Variants in SI observed in about 807,000 individuals in gnomAD.
SI encodes sucrase-isomaltase.
In SI, 235 loss-of-function variants were observed where a neutral mutation model predicts 253.3. That is an observed-to-expected ratio of 0.93 (90% CI 0.83 to 1.03). The LOEUF is 1.03. Among genes scored for constraint, SI ranks in the 50% least tolerant of loss-of-function variants. The probability of loss-of-function intolerance (pLI) is 0.00; values close to 1 mark genes in which losing one functional copy is unlikely to be tolerated. For missense variants in SI, 2,442 were observed against 2,211.1 expected (o/e 1.10, Z -2.09); for synonymous variants, 819 against 712.0 (o/e 1.15, Z -2.39).
chr3:165,008,541 TTCTCAGGAA>T (rs971873410), intron 35 of SI, among the ~76,000 whole-genome samples: 1 of 151,996 alleles, frequency 6.6e-6, no homozygotes, highest in Admixed American at 6.6e-5. Context: ...CCAGATGACA[TTCTCAGGAA>T]TATACTTAAG....
At chr3:165,032,731 C>T (rs1479461867) in intron 23 of SI, 39 bp from the exon 24 acceptor site, 1 of 1,365,560 alleles carries the variant, frequency 7.3e-7, no homozygotes, top group Non-Finnish European at 1.0e-6. Context: ...ATTAGGTCAT[C>T]AGATACAAAC....
chr3:164,982,150 T>A, intron 47 of SI, 93 bp downstream of exon 47: 1 of 899,540 alleles, frequency 1.1e-6, no homozygotes, highest in Non-Finnish European at 1.8e-6. Context: ...AATTGACTCA[T>A]AATTATGTTT....
chr3:165,036,312 G>A (rs1712525495), intron 22 of SI, 77 bp downstream of exon 22: 6 of 934,286 alleles, frequency 6.4e-6, no homozygotes, highest in Non-Finnish European at 1.0e-5. Context: ...TTTAAAAAAT[G>A]ATACAACCTA....
chr3:165,040,978 A>G lies in SI; in HGVS notation c.2121T>C (p.His707=), dbSNP rs201276727. ...PFLYTLFYKA[H]VFGETVARPV... is the part of the protein sequence containing the mutation. ...GTCTTGCTACTGTTTCTCCAAACAC[A>G]TGGGCTTTATAAAACAGAGTGTAGA... Residue 707 remains histidine (H), a synonymous_variant, in exon 18 of 48, where the codon CAT becomes CAC. Coordinates refer to ENST00000264382, the MANE Select transcript of SI (RefSeq NM_001041.4). The G allele has an allele frequency of 4.0e-5, 64 of 1,612,116 alleles. 2 individuals carry two copies. The South Asian group carries it at 6.8e-4, about 17-fold the overall frequency.
At chr3:165,029,587 T>TACATATATATAC (rs1712119541) in intron 25 of SI, among the ~76,000 whole-genome samples, 2 of 145,610 alleles carry the variant, frequency 1.4e-5, no homozygotes, top group South Asian at 2.1e-4. Context: ...TATACATATA[T>TACATATATATAC]ATGTATATAT....
intron 3 of SI, among the ~76,000 whole-genome samples, chr3:165,071,898 C>A (rs1015137757): frequency 2.0e-5 from 3 of 152,132 alleles, no homozygotes; most frequent in Non-Finnish European, 2.9e-5. Context: ...ATTGTTTAAG[C>A]TGCCCATTCT....
At chr3:165,054,029 C>A (rs933090814) in intron 13 of SI, among the ~76,000 whole-genome samples, 3 of 151,968 alleles carry the variant, frequency 2.0e-5, no homozygotes, top group Non-Finnish European at 4.4e-5. Context: ...TAATCCTTTA[C>A]CCAAATCCAT....
chr3:164,981,369 A>G (rs140940539), intron 47 of SI, among the ~76,000 whole-genome samples: 1 of 152,176 alleles, frequency 6.6e-6, no homozygotes, highest in Non-Finnish European at 1.5e-5. Context: ...TAACTCTGAC[A>G]TCCTCTGACA....
intron 37 of SI, among the ~76,000 whole-genome samples, chr3:165,002,401 C>T (rs981652868): frequency 5.9e-5 from 9 of 151,806 alleles, no homozygotes; most frequent in Middle Eastern, 3.4e-3. Flanking sequence ...ATTTCTCAAG[C>T]TGATTAAATC....
In SI at chr3:165,050,503, A is replaced by G. The variant is rs529937732; in HGVS notation, c.1513-628T>C. 3.7e-4 allele frequency among the ~76,000 whole-genome samples: 56 copies of G among 152,230 alleles called. 1 individual carries two copies. In the South Asian group the frequency reaches 0.011, roughly 31 times the overall value. ...TATTATGTTCATGGATTTTCTAGCC[A>G]TTTTAACATAGGCCCCAATCTTGTC... is the stretch of plus-strand genomic sequence containing the variant. On this transcript the variant is annotated intron_variant, in intron 13 of 47. Coordinates refer to ENST00000264382, the MANE Select transcript of SI (RefSeq NM_001041.4).
Position 164,979,433 on chromosome 3 carries a change from A to G in SI, c.5416-3T>C, listed in dbSNP as rs773290923. ...GTGGTCAGATCAATACGTAATATCT[A>G]AAAAAGTAAAATAATAATTAGTTGT... is the stretch of plus-strand genomic sequence containing the variant. On this transcript the variant is annotated splice_polypyrimidine_tract_variant and splice_region_variant and intron_variant, in intron 47 of 47. Coordinates refer to ENST00000264382, the MANE Select transcript of SI (RefSeq NM_001041.4). 6.9e-7 allele frequency: 1 copy of G among 1,452,078 alleles called. No homozygotes were observed. The highest frequency in any genetic ancestry group is 9.7e-7 in the Non-Finnish European group (1 of 1,035,494). 89.9% of individuals were successfully genotyped at this position (1,452,078 alleles called of 1,614,324 possible).
intron 44 of SI, among the ~76,000 whole-genome samples, chr3:164,990,418 T>C (rs1166949754): frequency 6.6e-6 from 1 of 152,082 alleles, no homozygotes; most frequent in Admixed American, 6.6e-5. Context: ...TCATAAAGGT[T>C]TCATTTATAT....
At position 165,043,064 on chromosome 3, in the gene SI, A is replaced by G. The variant is rs954772863; in HGVS notation, c.1999T>C (p.Tyr667His). Residue 667 changes from tyrosine (Y) to histidine (H), a missense_variant, in exon 17 of 48, where the codon TAT becomes CAT. Tyr to His is a moderately conservative substitution (Grantham distance 83). Coordinates refer to ENST00000264382, the MANE Select transcript of SI (RefSeq NM_001041.4). Reference protein sequence around the residue: ...PFSRNHNSDGYEHQDPAFFGQ... With the variant: ...PFSRNHNSDGHEHQDPAFFGQ... ...GGAGAACAAGAGGCTCTTACTTCAT[A>G]TCCGTCAGAATTATGGTTTCTGGAA... The G allele has an allele frequency of 1.3e-6, 2 of 1,586,994 alleles. No homozygotes were observed. The highest frequency in any genetic ancestry group is 2.7e-5 in the African/African-American group (2 of 74,312).
At position 165,059,247 on chromosome 3, in the gene SI, T is replaced by A; in HGVS notation, c.1199A>T (p.Tyr400Phe). ...GAGTCCGTTAAACGCAACTTGATCATAAGTAAAGTCTTTCTTGTCTTCCAT... is the reference window on the plus strand; with the variant it reads ...GAGTCCGTTAAACGCAACTTGATCAAAAGTAAAGTCTTTCTTGTCTTCCAT... The part of the protein sequence containing the change: ...DYMEDKKDFT[Y>F]DQVAFNGLPQ... Residue 400 changes from tyrosine to phenylalanine, a missense_variant, in exon 11 of 48, where the codon TAT becomes TTT. By Grantham distance (22) the Tyr-to-Phe change is conservative (BLOSUM62 3). Coordinates refer to ENST00000264382, the MANE Select transcript of SI (RefSeq NM_001041.4). The A allele has an allele frequency of 3.1e-6, 5 of 1,612,766 alleles. No homozygotes were observed. The highest frequency in any genetic ancestry group is 4.2e-6 in the Non-Finnish European group (5 of 1,179,138).
Position 165,042,811 on chromosome 3 carries a change from C to T in SI, c.2004+248G>A, listed in dbSNP as rs573966660. On this transcript the variant is annotated intron_variant, in intron 17 of 47. Coordinates refer to ENST00000264382, the MANE Select transcript of SI (RefSeq NM_001041.4). ...AACTTAATATACTTGTACAGTTATG[C>T]GTTAGTCTCAACTAAAATATTTGTG... is the stretch of plus-strand genomic sequence containing the variant. Among the ~76,000 whole-genome samples, 29 of 152,122 alleles carry T rather than the reference C, an allele frequency of 1.9e-4. No individual in the cohort carries two copies. In the Middle Eastern group the frequency reaches 0.01, roughly 54 times the overall value.
intron 8 of SI, 26 bp from the exon 9 acceptor site, chr3:165,062,509 T>C (rs1458812012): frequency 1.7e-6 from 2 of 1,145,396 alleles, no homozygotes; most frequent in African/African-American, 3.0e-5. Context: ...GGTAAACTTA[T>C]ATGTAAATAG....
At chr3:165,077,994 T>C (rs1391662955) in intron 1 of SI, among the ~76,000 whole-genome samples, 1 of 151,610 alleles carries the variant, frequency 6.6e-6, no homozygotes, top group Non-Finnish European at 1.5e-5. Context: ...CTTTATTGTA[T>C]AACAACTTGA....
At chr3:165,048,202 G>A (rs555338650) in intron 15 of SI, among the ~76,000 whole-genome samples, 24 of 151,986 alleles carry the variant, frequency 1.6e-4, no homozygotes, top group East Asian at 7.7e-4. Flanking sequence ...TGAGAAAATC[G>A]TAAGTATATT....
rs1170079741 is a variant in SI, at chr3:165,006,887, A to T, written c.4335T>A (p.Ser1445Arg). 1 of 1,611,666 alleles carries T rather than the reference A, an allele frequency of 6.2e-7. No individual in the cohort carries two copies. The highest frequency in any genetic ancestry group is 1.7e-4 in the Middle Eastern group (1 of 6,030). ...TICMEAEQIL[S>R]DGTSVLHYDV... Reference sequence around the variant, plus strand: ...CGTAATGCAAAACTGATGTTCCATCACTAAGAATCTGCTCAGCTTCCATGC... The same window carrying T: ...CGTAATGCAAAACTGATGTTCCATCTCTAAGAATCTGCTCAGCTTCCATGC... The change falls in exon 37 of 48, where the codon AGT (serine) becomes AGA (arginine). Residue 1445 changes from serine to arginine, a missense_variant. Physicochemically the swap from Ser to Arg is moderately radical, Grantham distance 110. Coordinates refer to ENST00000264382, the MANE Select transcript of SI (RefSeq NM_001041.4).
Sources: allele counts gnomAD v4.1 joint callset (sites outside exome capture counted in the v4.1 genomes callset), GRCh38; gene constraint gnomAD v4.1.1; transcripts MANE v1.5; gene names NCBI Gene and HGNC (gene_info 2026-07-23, HGNC 2026-07-21).